DDX10: variants seen among roughly 807,000 people sequenced by gnomAD.
The protein encoded by DDX10 is DEAD-box helicase 10.
DDX10 carries 74 observed loss-of-function variants against 104.3 expected under a neutral mutation model. The observed-to-expected ratio is 0.71, with a 90% CI of 0.59 to 0.86. DDX10 has a LOEUF of 0.86. Ranked by LOEUF, DDX10 falls within the 40% of genes least tolerant of loss-of-function variation. DDX10 has a pLI of 0.00. For missense variants in DDX10, 952 were observed against 1,040.0 expected (o/e 0.92, Z 1.16); for synonymous variants, 351 against 353.4 (o/e 0.99, Z 0.08).
intron 17 of DDX10, chr11:108,920,529 C>T (rs557153780): frequency 6.6e-6 from 1 of 152,274 alleles, no homozygotes; most frequent in East Asian, 1.9e-4. Flanking sequence ...AATCTTATAG[C>T]CTCCTTCTAG....
intron 2 of DDX10, 144 bp downstream of exon 2, chr11:108,673,671 A>G: frequency 1.6e-6 from 1 of 608,124 alleles, no homozygotes; most frequent in Non-Finnish European, 2.9e-6. Context: ...AGCAATATTC[A>G]AGTTTTAACA....
intron 13 of DDX10, among the ~76,000 whole-genome samples, chr11:108,810,383 A>G: frequency 6.6e-6 from 1 of 152,010 alleles, no homozygotes; most frequent in Non-Finnish European, 1.5e-5. Flanking sequence ...TGATCTTATT[A>G]TGTTTCATGA....
intron 11 of DDX10, 136 bp downstream of exon 11, chr11:108,716,102 A>ATTT: frequency 5.9e-6 from 3 of 510,454 alleles, no homozygotes; most frequent in African/African-American, 4.0e-5. Context: ...AGTCTAGCTT[A>ATTT]TTTTTTTTTT....
intron 9 of DDX10, among the ~76,000 whole-genome samples, chr11:108,699,985 A>G (rs763689392): frequency 2.0e-5 from 3 of 152,204 alleles, no homozygotes; most frequent in East Asian, 1.9e-4. Flanking sequence ...AGCCCACCAG[A>G]GAAACATACT....
intron 13 of DDX10, among the ~76,000 whole-genome samples, chr11:108,826,627 C>T (rs976815851): frequency 2.6e-5 from 4 of 152,188 alleles, no homozygotes; most frequent in African/African-American, 9.7e-5. Flanking sequence ...TTCTTCGCAT[C>T]TTGCAGTCAC....
At chr11:108,836,738 C>T (rs1862560621) in intron 13 of DDX10, among the ~76,000 whole-genome samples, 1 of 152,182 alleles carries the variant, frequency 6.6e-6, no homozygotes, top group African/African-American at 2.4e-5. Context: ...ATCCATCTGC[C>T]TCTGCCTGCC....
chr11:108,904,218 C>A (rs1378338025), intron 16 of DDX10, among the ~76,000 whole-genome samples: 1 of 152,028 alleles, frequency 6.6e-6, no homozygotes, highest in Admixed American at 6.6e-5. Context: ...TCAACAGAAG[C>A]GACTGAGGCC....
At chr11:108,739,086 C>T (rs2094321845) in intron 13 of DDX10, among the ~76,000 whole-genome samples, 1 of 152,204 alleles carries the variant, frequency 6.6e-6, no homozygotes, top group Admixed American at 6.5e-5. Flanking sequence ...GAGACACTTT[C>T]TGTCTCTCCT....
chr11:108,791,534 G>A (rs536394841), intron 13 of DDX10, among the ~76,000 whole-genome samples: 1 of 152,162 alleles, frequency 6.6e-6, no homozygotes, highest in South Asian at 2.1e-4. Context: ...AAATGTTTGT[G>A]GTGTTTTTTC....
At chr11:108,704,648 T>A (rs1327397613) in intron 9 of DDX10, among the ~76,000 whole-genome samples, 2 of 152,174 alleles carry the variant, frequency 1.3e-5, no homozygotes, top group African/African-American at 4.8e-5. Flanking sequence ...TGCTTAGGGG[T>A]CTGCTTTAAA....
intron 13 of DDX10, among the ~76,000 whole-genome samples, chr11:108,732,764 C>T (rs2094313821): frequency 6.6e-6 from 1 of 152,142 alleles, no homozygotes; most frequent in Non-Finnish European, 1.5e-5. Context: ...CTTGTTTTGG[C>T]TAATTGTCTT....
intron 15 of DDX10, among the ~76,000 whole-genome samples, chr11:108,842,780 G>A (rs1405231060): frequency 6.6e-6 from 1 of 152,186 alleles, no homozygotes; most frequent in African/African-American, 2.4e-5. Context: ...AAGAGTATCA[G>A]GAGCTTGTCA....
At chr11:108,687,854 G>A (rs1210280278) in intron 6 of DDX10, among the ~76,000 whole-genome samples, 1 of 152,124 alleles carries the variant, frequency 6.6e-6, no homozygotes, top group East Asian at 1.9e-4. Flanking sequence ...TTGACTTGTA[G>A]TTTTTGGTTT....
chr11:108,707,467 G>A (rs959831895), intron 10 of DDX10, among the ~76,000 whole-genome samples: 5 of 152,072 alleles, frequency 3.3e-5, no homozygotes, highest in African/African-American at 1.2e-4. Flanking sequence ...TTTTAGTACT[G>A]AATAACATTT....
chr11:108,838,395 T>A (rs1862585882), intron 13 of DDX10, 51 bp from the exon 14 acceptor site: 1 of 1,575,806 alleles, frequency 6.3e-7, no homozygotes. Context: ...ATTGTTAATA[T>A]AAAGCAACCA....
intron 10 of DDX10, among the ~76,000 whole-genome samples, chr11:108,715,032 C>CT (rs1262809989): frequency 1.3e-5 from 2 of 151,532 alleles, no homozygotes; most frequent in African/African-American, 4.8e-5. Flanking sequence ...AATGAGGTCT[C>CT]TTTTGTGAAG....
chr11:108,785,058 T>A (rs371782629), intron 13 of DDX10, among the ~76,000 whole-genome samples: 4 of 152,216 alleles, frequency 2.6e-5, no homozygotes, highest in African/African-American at 9.6e-5. Flanking sequence ...ATATGTCTCT[T>A]TTGTACCAGT....
intron 13 of DDX10, among the ~76,000 whole-genome samples, chr11:108,820,474 C>T (rs1202175085): frequency 6.6e-6 from 1 of 152,214 alleles, no homozygotes; most frequent in Non-Finnish European, 1.5e-5. Context: ...GATTTTCATT[C>T]CACTTGAGAT....
chr11:108,909,627 G>A (rs1006625028), intron 16 of DDX10, among the ~76,000 whole-genome samples: 2 of 152,200 alleles, frequency 1.3e-5, no homozygotes, highest in African/African-American at 4.8e-5. Flanking sequence ...AGAGGGGCCT[G>A]TGGGAACCCG....
Sources: gnomAD v4.1 joint callset for allele counts (sites outside exome capture counted in the v4.1 genomes callset) on GRCh38, gnomAD v4.1.1 for gene constraint, MANE v1.5 for transcripts, NCBI Gene and HGNC (gene_info 2026-07-23, HGNC 2026-07-21) for gene names.